Variants in FAM156A observed in about 807,000 individuals in gnomAD.
FAM156A encodes family with sequence similarity 156 member A, also known as protein FAM156A/FAM156B.
chrX:52,975,867 G>A (rs1243510957), intron 1 of FAM156A, among the ~76,000 whole-genome samples: 1 of 111,928 alleles, frequency 8.9e-6, no homozygotes, highest in African/African-American at 3.2e-5. Flanking sequence ...TCTCCATCTC[G>A]ATAGCACAGC....
intron 1 of FAM156A, among the ~76,000 whole-genome samples, chrX:52,987,201 G>T (rs1350840335): frequency 8.9e-6 from 1 of 111,888 alleles, no homozygotes; most frequent in Non-Finnish European, 1.9e-5. Context: ...ATTAAATAAA[G>T]AGAGGGACGT....
intron 1 of FAM156A, among the ~76,000 whole-genome samples, chrX:52,993,431 T>G (rs1462826784): frequency 2.8e-5 from 1 of 35,677 alleles, no homozygotes; most frequent in Non-Finnish European, 6.5e-5. Flanking sequence ...TTTTTTTTTT[T>G]TGAGACAAAA....
intron 1 of FAM156A, among the ~76,000 whole-genome samples, chrX:52,973,230 TA>T (rs55856732): frequency 1.7e-4 from 16 of 92,370 alleles, no homozygotes; most frequent in East Asian, 3.0e-4. Context: ...ATTAAAAAAT[TA>T]AAAAAAAATA....
intron 1 of FAM156A, among the ~76,000 whole-genome samples, chrX:52,980,348 G>C (rs1929771987): frequency 8.9e-6 from 1 of 111,986 alleles, no homozygotes; most frequent in Non-Finnish European, 1.9e-5. Context: ...GCTGTTAGTT[G>C]ATGGGGAAAA....
chrX:52,991,915 T>C (rs1035093293), intron 1 of FAM156A, among the ~76,000 whole-genome samples: 1 of 107,084 alleles, frequency 9.3e-6, no homozygotes, highest in East Asian at 2.9e-4. Context: ...GGAAAGTTAG[T>C]ACCCTGATGA....
At chrX:52,981,227 A>G (rs1456422214) in intron 1 of FAM156A, among the ~76,000 whole-genome samples, 1 of 111,299 alleles carries the variant, frequency 9.0e-6, no homozygotes, top group Non-Finnish European at 1.9e-5. Context: ...TACAAATCCC[A>G]GTAACCATGA....
chrX:52,984,534 A>G (rs782226953), intron 1 of FAM156A, among the ~76,000 whole-genome samples: 1 of 112,072 alleles, frequency 8.9e-6, no homozygotes, highest in Non-Finnish European at 1.9e-5. Flanking sequence ...TTCCTATATT[A>G]TTAACCCTTT....
chrX:52,977,781 G>A (rs1413535059), intron 1 of FAM156A, among the ~76,000 whole-genome samples: 3 of 111,567 alleles, frequency 2.7e-5, no homozygotes, highest in Admixed American at 9.6e-5. Flanking sequence ...AGATACAACA[G>A]ACGAGGTGAA....
At chrX:52,974,947 A>C (rs1383855033) in intron 1 of FAM156A, among the ~76,000 whole-genome samples, 3 of 110,142 alleles carry the variant, frequency 2.7e-5, no homozygotes, top group Non-Finnish European at 5.7e-5. Context: ...TACGTGCGGG[A>C]ATGAGCAAAG....
chrX:52,994,414 T>G (rs1380330608), intron 1 of FAM156A, among the ~76,000 whole-genome samples: 1 of 109,463 alleles, frequency 9.1e-6, no homozygotes, highest in African/African-American at 3.3e-5. Flanking sequence ...GAAACAGAAG[T>G]TCAAGTAGCT....
chrX:52,978,376 C>G (rs1451737248), intron 1 of FAM156A, among the ~76,000 whole-genome samples: 1 of 112,042 alleles, frequency 8.9e-6, no homozygotes, highest in Non-Finnish European at 1.9e-5. Context: ...ATGCCAGGGA[C>G]TGTCCAGACA....
At chrX:52,993,700 C>T (rs1399281233) in intron 1 of FAM156A, among the ~76,000 whole-genome samples, 10 of 111,389 alleles carry the variant, frequency 9.0e-5, no homozygotes, top group African/African-American at 3.3e-4. Context: ...CAGGCATGAG[C>T]CACTGCGTCA....
intron 1 of FAM156A, among the ~76,000 whole-genome samples, chrX:52,978,584 A>G (rs1929648590): frequency 1.8e-5 from 2 of 112,839 alleles, no homozygotes; most frequent in Admixed American, 9.4e-5. Context: ...ATATTAGTGC[A>G]ATCAAGAGTA....
intron 1 of FAM156A, among the ~76,000 whole-genome samples, chrX:52,978,331 C>G (rs186234319): frequency 8.9e-6 from 1 of 112,120 alleles, no homozygotes; most frequent in East Asian, 2.8e-4. Flanking sequence ...GGAACAGCAA[C>G]AATAACAGCT....
At chrX:52,993,480 T>C (rs1556796042) in intron 1 of FAM156A, among the ~76,000 whole-genome samples, 1 of 105,501 alleles carries the variant, frequency 9.5e-6, no homozygotes, top group Non-Finnish European at 2.0e-5. Flanking sequence ...AGTGGCGCGA[T>C]TTTGGCTCAC....
rs149500632 is a variant in FAM156A at position 52,974,295 on chromosome X, C to T, written c.-433-10060G>A. 7.2e-3 allele frequency among the ~76,000 whole-genome samples: 803 copies of T among 112,107 alleles called. 7 individuals are homozygous for T. Among genetic ancestry groups the T allele is most frequent in the African/African-American group, 0.025 (774 of 30,887 alleles). On this transcript the variant is annotated intron_variant, in intron 1 of 4. Coordinates refer to the FAM156A transcript ENST00000610625. The stretch of plus-strand genomic sequence containing the variant: ...TCACAGTGTACATGAAGTGGTAGGA[C>T]ATTACTTGAAGTCTGGCAGGAATTT...
intron 1 of FAM156A, among the ~76,000 whole-genome samples, chrX:52,989,060 T>A (rs2146626872): frequency 9.0e-6 from 1 of 111,331 alleles, no homozygotes; most frequent in South Asian, 3.8e-4. Context: ...AACAGGTGAG[T>A]CATTATTTGG....
At chrX:52,962,781 G>C, upstream of FAM156A, among the ~76,000 whole-genome samples, 1 of 80,857 alleles carries the variant, frequency 1.2e-5, no homozygotes, top group Middle Eastern at 7.6e-3. Context: ...AAACAGAGCA[G>C]AGGCAGCGTT....
intron 1 of FAM156A, among the ~76,000 whole-genome samples, chrX:52,987,416 A>G (rs1320002876): frequency 9.0e-6 from 1 of 111,568 alleles, no homozygotes; most frequent in Admixed American, 9.5e-5. Flanking sequence ...TGAGCCCAGA[A>G]GGTCGAGGCT....
Sources: allele counts gnomAD v4.1 joint callset (sites outside exome capture counted in the v4.1 genomes callset), GRCh38; gene constraint gnomAD v4.1.1; transcripts MANE v1.5; gene names NCBI Gene and HGNC (gene_info 2026-07-23, HGNC 2026-07-21).